The following TRIM49 variants were observed in gnomAD, a reference collection of about 807,000 sequenced individuals.
TRIM49 encodes tripartite motif containing 49.
Under a neutral mutation model 27.4 loss-of-function variants are expected in TRIM49, and 5 were observed. The ratio of observed to expected loss-of-function variants is 0.18; its 90% CI spans 0.10 to 0.38. The LOEUF (loss-of-function observed/expected upper bound fraction) is 0.38, where lower values mean the gene tolerates loss of function less well. Among genes scored for constraint, TRIM49 ranks in the 10% least tolerant of loss-of-function variants. The pLI is 1.00. For synonymous variants in TRIM49, 69 were observed against 166.0 expected (o/e 0.42, Z 4.49); for missense variants, 188 against 487.5 (o/e 0.39, Z 5.79).
At position 89,798,587 on chromosome 11, in the gene TRIM49, A is replaced by G. The variant is rs748454899; in HGVS notation, c.902T>C (p.Phe301Ser). 4 of 1,549,838 alleles carry G rather than the reference A, an allele frequency of 2.6e-6. 1 individual carries two copies. In the East Asian group the frequency reaches 1.0e-4, roughly 39 times the overall value. Residue 301 changes from phenylalanine to serine, a missense_variant, in exon 8 of 8, where the codon TTT (phenylalanine) becomes TCT (serine). By Grantham distance (155) the Phe-to-Ser change is radical. Coordinates refer to ENST00000329758, the MANE Select transcript of TRIM49 (RefSeq NM_020358.2). ...LHHEEANNDI[F>S]LYEILRSMCI... ...CATGCTTCTCAAAATTTCATACAGA[A>G]AGATATCATTGTTGGCTTCTTCATG...
At chr11:89,790,611 C>A in the TRIM49 span, among the ~76,000 whole-genome samples, 2 of 152,084 alleles carry the variant, frequency 1.3e-5, no homozygotes, top group African/African-American at 4.8e-5. Flanking sequence ...TGTTCTGCAG[C>A]CTCTGCTGCT....
chr11:89,806,941 A>G (rs1949793170), intron 2 of TRIM49, among the ~76,000 whole-genome samples, 158 bp downstream of exon 2: 1 of 150,094 alleles, frequency 6.7e-6, no homozygotes, highest in Non-Finnish European at 1.5e-5. Context: ...ACAAAATAAC[A>G]ACAATTAGTA....
chr11:89,774,349 G>A, the TRIM49 span, among the ~76,000 whole-genome samples: 2 of 150,964 alleles, frequency 1.3e-5, no homozygotes, highest in African/African-American at 4.9e-5. Flanking sequence ...CAACTTTCTT[G>A]CGTCTCATTC....
chr11:89,792,647 G>A, the TRIM49 span, among the ~76,000 whole-genome samples: 3 of 152,180 alleles, frequency 2.0e-5, no homozygotes, highest in Admixed American at 1.3e-4. Context: ...AATGACTACC[G>A]GGTACATAAC....
Position 89,804,370 on chromosome 11 carries a change from A to G in TRIM49, c.100T>C (p.Phe34Leu). 1 of 1,610,914 alleles carries G rather than the reference A, an allele frequency of 6.2e-7. No homozygotes were observed. Among genetic ancestry groups the G allele is most frequent in the South Asian group, 1.1e-5 (1 of 90,866 alleles). The change falls in exon 3 of 8, where the codon TTT becomes CTT. Residue 34 changes from phenylalanine to leucine, a missense_variant. Coordinates refer to ENST00000329758, the MANE Select transcript of TRIM49 (RefSeq NM_020358.2). Reference protein sequence around the residue: ...DPVTIDCGHSFCRPCFYLNWQ... With the variant: ...DPVTIDCGHSLCRPCFYLNWQ... ...TTGAGGTAGAAACAAGGCCTGCAAA[A>G]GCTGTGCCCACAGTCTATGGTGACC...
chr11:89,802,959 T>C (rs1384905670), intron 4 of TRIM49, among the ~76,000 whole-genome samples: 1 of 150,420 alleles, frequency 6.6e-6, no homozygotes, highest in Non-Finnish European at 1.5e-5. Flanking sequence ...GTATATTTTC[T>C]AATTTAATAT....
chr11:89,787,122 C>A, the TRIM49 span: 1 of 178,064 alleles, frequency 5.6e-6, no homozygotes, highest in South Asian at 8.9e-5. Flanking sequence ...GAGCTGCCTC[C>A]GCTCCACGAG....
intron 2 of TRIM49, among the ~76,000 whole-genome samples, chr11:89,805,755 T>TCACGCAGGCTGAAATG (rs1233094798): frequency 2.0e-4 from 30 of 149,366 alleles, no homozygotes; most frequent in Admixed American, 1.8e-3. Context: ...TATCCTTCTG[T>TCACGCAGGCTGAAATG]CACGCAGGCT....
At chr11:89,776,848 A>C in the TRIM49 span, 1 of 723,214 alleles carries the variant, frequency 1.4e-6, no homozygotes, top group Non-Finnish European at 2.3e-6. Context: ...TACTGGAGCT[A>C]ACTTATTCGA....
chr11:89,776,708 C>T, the TRIM49 span, among the ~76,000 whole-genome samples: 6,199 of 151,778 alleles, frequency 0.041, 107 homozygotes, highest in African/African-American at 0.14. Context: ...AATCCCACAC[C>T]GTTTACTAAT....
chr11:89,794,049 A>G (rs1413216071), downstream of TRIM49, among the ~76,000 whole-genome samples: 2 of 142,414 alleles, frequency 1.4e-5, no homozygotes, highest in Non-Finnish European at 3.1e-5. Context: ...GTCACAGGGT[A>G]CAAAATCAAT....
chr11:89,791,330 T>C, the TRIM49 span, among the ~76,000 whole-genome samples: 2 of 152,170 alleles, frequency 1.3e-5, no homozygotes, highest in African/African-American at 2.4e-5. Context: ...CAGGATATTA[T>C]CCAGGAGAAC....
rs1234562203 is a variant in TRIM49, at chr11:89,803,810, A to G, written c.412-17T>C. The G allele has an allele frequency of 1.1e-5, 13 of 1,196,514 alleles. No homozygotes were observed. The highest frequency in any genetic ancestry group is 1.5e-5 in the Non-Finnish European group (13 of 860,434). 74.1% of individuals were successfully genotyped at this position (1,196,514 alleles called of 1,614,324 possible). A position where few individuals can be genotyped will look rare whatever the true frequency, so the allele number is the denominator to read the frequency against. On this transcript the variant is annotated splice_polypyrimidine_tract_variant and intron_variant, in intron 3 of 7. Coordinates refer to ENST00000329758, the MANE Select transcript of TRIM49 (RefSeq NM_020358.2). ...AAGCTTCTCCTGCAAAAGAGCCATA[A>G]ATTGAAGCACCAGTGCAGACCATGA...
the TRIM49 span, chr11:89,787,948 C>G: frequency 3.2e-6 from 1 of 315,592 alleles, no homozygotes; most frequent in Admixed American, 4.4e-5. Context: ...CGCGCTGTCT[C>G]TCTAGGATGC....
chr11:89,768,887 T>C, the TRIM49 span: 4 of 494,226 alleles, frequency 8.1e-6, 1 homozygote, highest in Non-Finnish European at 1.6e-5. Context: ...CTTTAGAAAG[T>C]TGTTATTCTT....
downstream of TRIM49, among the ~76,000 whole-genome samples, chr11:89,796,825 G>T (rs1431396952): frequency 1.3e-5 from 2 of 152,042 alleles, no homozygotes; most frequent in Non-Finnish European, 2.9e-5. Flanking sequence ...TACGGTTGAA[G>T]AATATTTTGG....
At chr11:89,783,980 T>C in the TRIM49 span, among the ~76,000 whole-genome samples, 1 of 142,558 alleles carries the variant, frequency 7.0e-6, no homozygotes, top group Admixed American at 6.8e-5. Context: ...GGGACAAGAG[T>C]ATTTGGCTTT....
the TRIM49 span, among the ~76,000 whole-genome samples, chr11:89,773,974 G>GAAAT: frequency 7.5e-6 from 1 of 133,242 alleles, no homozygotes; most frequent in Non-Finnish European, 1.5e-5. Context: ...AATATTTAAT[G>GAAAT]AAATAATTGT....
the TRIM49 span, among the ~76,000 whole-genome samples, chr11:89,780,048 T>G: frequency 4.4e-4 from 37 of 84,582 alleles, no homozygotes; most frequent in Middle Eastern, 6.3e-3. Context: ...TCTAGAGGGG[T>G]GGGAGGTTAA....
Sources: allele counts gnomAD v4.1 joint callset (sites outside exome capture counted in the v4.1 genomes callset), GRCh38; gene constraint gnomAD v4.1.1; transcripts MANE v1.5; gene names NCBI Gene and HGNC (gene_info 2026-07-23, HGNC 2026-07-21).